Variants in PDE4B observed in about 807,000 individuals in gnomAD.
The protein encoded by PDE4B is phosphodiesterase 4B.
A neutral mutation model predicts 82.2 loss-of-function variants in PDE4B; 20 were observed. The observed-to-expected ratio is 0.24, with a 90% CI of 0.17 to 0.35. The LOEUF (loss-of-function observed/expected upper bound fraction) is 0.35. Among genes scored for constraint, PDE4B ranks in the 10% least tolerant of loss-of-function variants. The probability of loss-of-function intolerance (pLI) is 1.00; values close to 1 mark genes in which losing one functional copy is unlikely to be tolerated. For synonymous variants in PDE4B, 320 were observed against 318.9 expected (o/e 1.00, Z -0.04); for missense variants, 655 against 907.2 (o/e 0.72, Z 3.57).
chr1:66,368,892 G>A lies in PDE4B; in HGVS notation c.1768G>A (p.Gly590Arg), dbSNP rs777884852. ...CATCATGGAGGAATTTTTCCAGCAG[G>A]GAGACAAAGAGCGGGAGAGGGGAAT... Reference protein sequence around the residue: ...DRIMEEFFQQGDKERERGMEI... With the variant: ...DRIMEEFFQQRDKERERGMEI... The change falls in exon 16 of 17, where the codon GGA (glycine) becomes AGA (arginine). Residue 590 changes from glycine to arginine, a missense_variant. Physicochemically the swap from Gly to Arg is moderately radical, Grantham distance 125. This residue lies in a region of PDE4B where 283 missense variants were observed against 516.4 expected (regional missense o/e 0.55). Transcript: ENST00000341517. The A allele has an allele frequency of 6.2e-7, 1 of 1,613,624 alleles. No individual in the cohort carries two copies. Among genetic ancestry groups the A allele is most frequent in the African/African-American group, 1.3e-5 (1 of 75,000 alleles).
Position 66,247,608 on chromosome 1 carries a change from T to A in PDE4B, c.430T>A (p.Leu144Met). The A allele has an allele frequency of 6.2e-7, 1 of 1,603,930 alleles. No homozygotes were observed. Among genetic ancestry groups the A allele is most frequent in the Non-Finnish European group, 8.5e-7 (1 of 1,175,136 alleles). ...CTACAGATCAGACAGCGACTATGACTTGTCACCAAAGGCGATGTCGAGAAA... is the reference window on the plus strand; with the variant it reads ...CTACAGATCAGACAGCGACTATGACATGTCACCAAAGGCGATGTCGAGAAA... The part of the protein sequence containing the change: ...FLYRSDSDYD[L>M]SPKAMSRNSS... The change falls in exon 4 of 17, where the codon TTG (leucine) becomes ATG (methionine). Residue 144 changes from leucine to methionine, a missense_variant. Leu to Met is a conservative substitution (Grantham distance 15, BLOSUM62 2). Transcript: ENST00000341517.
intron 3 of PDE4B, among the ~76,000 whole-genome samples, chr1:66,110,992 C>T (rs374991006): frequency 1.1e-4 from 16 of 151,984 alleles, no homozygotes; most frequent in Non-Finnish European, 1.8e-4. Context: ...TACTTTGTAA[C>T]GCCCTGGAAG....
At chr1:66,339,083 A>G (rs1660762207) in intron 8 of PDE4B, among the ~76,000 whole-genome samples, 1 of 151,982 alleles carries the variant, frequency 6.6e-6, no homozygotes, top group African/African-American at 2.4e-5. Flanking sequence ...CATTCAAATG[A>G]TTTGGGCAAT....
intron 3 of PDE4B, among the ~76,000 whole-genome samples, chr1:66,167,230 C>G (rs1282130535): frequency 6.6e-6 from 1 of 152,104 alleles, no homozygotes; most frequent in East Asian, 1.9e-4. Flanking sequence ...CACATAAATT[C>G]ATGCAAAAAC....
chr1:66,325,671 C>A (rs889918185), intron 7 of PDE4B, among the ~76,000 whole-genome samples: 1 of 152,136 alleles, frequency 6.6e-6, no homozygotes, highest in East Asian at 1.9e-4. Context: ...GTGGGAAGGA[C>A]GCTTTAGGAT....
chr1:66,135,483 G>A (rs556971980), intron 3 of PDE4B, among the ~76,000 whole-genome samples: 2 of 152,282 alleles, frequency 1.3e-5, no homozygotes, highest in East Asian at 1.9e-4. Flanking sequence ...GAAGAATAGG[G>A]CAATGCTTGG....
chr1:65,872,162 T>G (rs778396625), intron 1 of PDE4B, among the ~76,000 whole-genome samples: 4 of 152,182 alleles, frequency 2.6e-5, no homozygotes, highest in Non-Finnish European at 5.9e-5. Context: ...TGTGCAGATA[T>G]AGTCATATTT....
At chr1:65,881,881 C>A (rs1035488848) in intron 1 of PDE4B, among the ~76,000 whole-genome samples, 1 of 150,568 alleles carries the variant, frequency 6.6e-6, no homozygotes, top group Non-Finnish European at 1.5e-5. Flanking sequence ...GCATTATAAA[C>A]CAAAATAACT....
At chr1:66,147,743 G>A (rs1441084052) in intron 3 of PDE4B, among the ~76,000 whole-genome samples, 2 of 152,116 alleles carry the variant, frequency 1.3e-5, no homozygotes, top group African/African-American at 4.8e-5. Flanking sequence ...AGCTCCACTT[G>A]GAGATGTTTT....
At chr1:66,159,162 C>T (rs748242977) in intron 3 of PDE4B, among the ~76,000 whole-genome samples, 37 of 152,002 alleles carry the variant, frequency 2.4e-4, no homozygotes, top group Admixed American at 1.6e-3. Flanking sequence ...TTGATCATTA[C>T]ATAATGTGTA....
chr1:66,144,746 T>C (rs2101161429), intron 3 of PDE4B, among the ~76,000 whole-genome samples: 1 of 152,302 alleles, frequency 6.6e-6, no homozygotes, highest in East Asian at 1.9e-4. Context: ...TGTACATTAG[T>C]GCTGCGGAAT....
At chr1:65,794,541 G>A (rs1046285114) in intron 1 of PDE4B, among the ~76,000 whole-genome samples, 1 of 152,100 alleles carries the variant, frequency 6.6e-6, no homozygotes, top group Admixed American at 6.5e-5. Context: ...TTTCACTGCA[G>A]GTAAAGGAAG....
chr1:66,229,872 G>A (rs748335937), intron 3 of PDE4B, among the ~76,000 whole-genome samples: 3 of 152,188 alleles, frequency 2.0e-5, no homozygotes, highest in African/African-American at 7.2e-5. Context: ...CTAAATCTCA[G>A]AGAGGTTAAA....
chr1:65,964,217 T>G (rs777428223), intron 3 of PDE4B, among the ~76,000 whole-genome samples: 3 of 152,206 alleles, frequency 2.0e-5, no homozygotes, highest in Non-Finnish European at 4.4e-5. Flanking sequence ...AAATGAGAAT[T>G]CTATGCTTGT....
rs192988923 is a variant in PDE4B, at chr1:66,181,291, C to T, written c.282-66169C>T. ...AGTACTAAAGAACACTTTAGATACC[C>T]ACCCTTGGGTAAATATTACCCGATT... is the stretch of plus-strand genomic sequence containing the variant. On this transcript the variant is annotated intron_variant, in intron 3 of 16. Coordinates refer to ENST00000341517, the MANE Select transcript of PDE4B (RefSeq NM_002600.4). 5.3e-5 allele frequency among the ~76,000 whole-genome samples: 8 copies of T among 152,238 alleles called. No homozygotes were observed. In the East Asian group the frequency reaches 1.5e-3, roughly 29 times the overall value.
At chr1:65,954,247 G>T (rs574361969) in intron 3 of PDE4B, among the ~76,000 whole-genome samples, 1 of 151,968 alleles carries the variant, frequency 6.6e-6, no homozygotes, top group Admixed American at 6.6e-5. Flanking sequence ...CTGTATTTCA[G>T]CACAATCATG....
intron 8 of PDE4B, chr1:66,354,602 T>C: frequency 1.5e-6 from 2 of 1,334,744 alleles, no homozygotes; most frequent in South Asian, 1.8e-5. Flanking sequence ...CAATTCCTGA[T>C]TTCATTACTC....
intron 1 of PDE4B, among the ~76,000 whole-genome samples, chr1:65,799,580 A>G (rs1645671805): frequency 1.3e-5 from 2 of 152,186 alleles, no homozygotes; most frequent in African/African-American, 4.8e-5. Flanking sequence ...GTTTTGTGTT[A>G]TACTCATGCA....
intron 3 of PDE4B, among the ~76,000 whole-genome samples, chr1:65,995,030 A>G (rs139975640): frequency 5.9e-5 from 9 of 152,298 alleles, no homozygotes; most frequent in South Asian, 2.1e-4. Context: ...CGCTAATAAG[A>G]TGATATTCTT....
Sources: gnomAD v4.1 joint callset for allele counts (sites outside exome capture counted in the v4.1 genomes callset) on GRCh38, gnomAD v4.1.1 for gene constraint, gnomAD v4.1.1 regional missense constraint, MANE v1.5 for transcripts, NCBI Gene and HGNC (gene_info 2026-07-23, HGNC 2026-07-21) for gene names.